The following STXBP5L variants were observed in gnomAD, a reference collection of about 807,000 sequenced individuals.
STXBP5L encodes the protein syntaxin binding protein 5L, also known as syntaxin-binding protein 5-like.
A neutral mutation model predicts 144.5 loss-of-function variants in STXBP5L; 65 were observed. The observed-to-expected ratio is 0.45, with a 90% CI of 0.37 to 0.55. The LOEUF is 0.55. STXBP5L is among the 20% of genes least tolerant of loss of function. The probability of loss-of-function intolerance (pLI) is 0.00; values close to 1 mark genes in which losing one functional copy is unlikely to be tolerated. For synonymous variants in STXBP5L, 505 were observed against 469.6 expected (o/e 1.08, Z -0.97); for missense variants, 1,298 against 1,405.5 (o/e 0.92, Z 1.22).
intron 5 of STXBP5L, among the ~76,000 whole-genome samples, chr3:121,077,710 G>T (rs879535822): frequency 6.6e-6 from 1 of 152,102 alleles, no homozygotes; most frequent in Admixed American, 6.5e-5. Context: ...TGATTGGTGC[G>T]TTTACAATCC....
intron 14 of STXBP5L, among the ~76,000 whole-genome samples, chr3:121,250,366 T>C (rs339001): frequency 0.052 from 7,880 of 152,138 alleles, 234 homozygotes; most frequent in Middle Eastern, 0.1. Flanking sequence ...ATTCAATTCA[T>C]ATTTATATTA....
intron 9 of STXBP5L, among the ~76,000 whole-genome samples, chr3:121,181,115 AAAAC>A (rs1443352279): frequency 1.7e-4 from 25 of 150,336 alleles, no homozygotes; most frequent in Middle Eastern, 3.4e-3. Context: ...AGAAAAGAAG[AAAAC>A]AAAAGAAGAG....
At position 121,079,534 on chromosome 3, in the gene STXBP5L, T is replaced by C. The variant is rs150393495; in HGVS notation, c.470+33999T>C. 3.5e-4 allele frequency among the ~76,000 whole-genome samples: 53 copies of C among 152,352 alleles called. No individual in the cohort carries two copies. The East Asian group carries it at 9.8e-3, about 28-fold the overall frequency. On this transcript the variant is annotated intron_variant, in intron 5 of 26. Coordinates refer to ENST00000471454, the MANE Select transcript of STXBP5L (RefSeq NM_001308330.2). Reference sequence around the variant, plus strand: ...CTTTAAGAGGATTTTAAAATTTCTATTACTGCTACTATTAAGTTATAGTTG... The same window carrying C: ...CTTTAAGAGGATTTTAAAATTTCTACTACTGCTACTATTAAGTTATAGTTG...
chr3:121,063,331 A>G (rs1185854045), intron 5 of STXBP5L, among the ~76,000 whole-genome samples: 2 of 152,234 alleles, frequency 1.3e-5, no homozygotes. Context: ...TGGATGCTGC[A>G]GAACAGCAAA....
chr3:121,078,300 G>C (rs2042106977), intron 5 of STXBP5L, among the ~76,000 whole-genome samples: 1 of 151,268 alleles, frequency 6.6e-6, no homozygotes, highest in Non-Finnish European at 1.5e-5. Flanking sequence ...GCTAGATACA[G>C]AGTGTCGATT....
intron 9 of STXBP5L, among the ~76,000 whole-genome samples, chr3:121,161,353 A>G (rs116704293): frequency 0.014 from 2,187 of 151,846 alleles, 25 homozygotes; most frequent in Non-Finnish European, 0.021. Flanking sequence ...AACACTTTAC[A>G]TGATCTTCTG....
chr3:121,163,470 C>G (rs1225844653), intron 9 of STXBP5L, among the ~76,000 whole-genome samples: 1 of 151,906 alleles, frequency 6.6e-6, no homozygotes, highest in Non-Finnish European at 1.5e-5. Flanking sequence ...ATACCTAATG[C>G]ATGCCGGGCT....
At chr3:120,967,354 A>G (rs1442639114) in intron 3 of STXBP5L, among the ~76,000 whole-genome samples, 1 of 152,150 alleles carries the variant, frequency 6.6e-6, no homozygotes, top group Admixed American at 6.6e-5. Flanking sequence ...TCAGTTGGAA[A>G]TGCAGAAATC....
intron 21 of STXBP5L, among the ~76,000 whole-genome samples, chr3:121,379,437 A>G (rs938731239): frequency 1.4e-4 from 21 of 152,086 alleles, no homozygotes; most frequent in Admixed American, 1.2e-3. Flanking sequence ...TACAGAGGCA[A>G]AAAAAGGGAA....
intron 18 of STXBP5L, among the ~76,000 whole-genome samples, chr3:121,268,861 G>C (rs1364189641): frequency 6.6e-6 from 1 of 152,018 alleles, no homozygotes. Flanking sequence ...TTTCCAAAAG[G>C]CTTTAGCTGT....
chr3:121,417,052 A>G (rs73191770), intron 25 of STXBP5L, among the ~76,000 whole-genome samples: 3,803 of 152,326 alleles, frequency 0.025, 57 homozygotes, highest in Middle Eastern at 0.048. Context: ...GCTAAGTGAA[A>G]GAAGCCAGAC....
At chr3:120,949,310 T>A (rs1711051459) in intron 2 of STXBP5L, among the ~76,000 whole-genome samples, 1 of 152,128 alleles carries the variant, frequency 6.6e-6, no homozygotes, top group South Asian at 2.1e-4. Context: ...AGATTCTGGA[T>A]ATTAGTTGTT....
chr3:121,063,628 TGA>T (rs1291571040), intron 5 of STXBP5L, among the ~76,000 whole-genome samples: 7 of 152,102 alleles, frequency 4.6e-5, no homozygotes, highest in Admixed American at 4.6e-4. Context: ...CCCAGGGAGA[TGA>T]GAGTTTTATG....
At chr3:121,073,239 G>C (rs1205428214) in intron 5 of STXBP5L, among the ~76,000 whole-genome samples, 1 of 152,218 alleles carries the variant, frequency 6.6e-6, no homozygotes, top group Admixed American at 6.5e-5. Flanking sequence ...CACCCATTCT[G>C]TTGGCAGCAG....
At chr3:121,337,775 G>C (rs1253203988) in intron 20 of STXBP5L, among the ~76,000 whole-genome samples, 2 of 152,036 alleles carry the variant, frequency 1.3e-5, no homozygotes, top group South Asian at 2.1e-4. Context: ...CTCAGCACAT[G>C]GAACATTCTC....
chr3:121,206,008 AT>A lies in STXBP5L; in HGVS notation c.956+12del. The A allele has an allele frequency of 1.3e-6, 2 of 1,482,300 alleles. No individual in the cohort carries two copies. The highest frequency in any genetic ancestry group is 1.8e-6 in the Non-Finnish European group (2 of 1,114,808). 91.8% of individuals were successfully genotyped at this position (1,482,300 alleles called of 1,614,324 possible). Reference sequence around the variant, plus strand: ...ACAAGACCTGCAAAAACAGGTATGCATTTTTACTTTAGGGAAAGAGGGATAC... The same window carrying A: ...ACAAGACCTGCAAAAACAGGTATGCATTTTACTTTAGGGAAAGAGGGATAC... On this transcript the variant is annotated splice_region_variant and intron_variant, in intron 10 of 26. Transcript: ENST00000471454.
intron 5 of STXBP5L, among the ~76,000 whole-genome samples, chr3:121,108,915 T>G (rs2043843530): frequency 6.6e-6 from 1 of 152,130 alleles, no homozygotes; most frequent in South Asian, 2.1e-4. Context: ...TATTCAGGGG[T>G]TTAACTTCTT....
At chr3:121,168,448 G>T (rs1246846218) in intron 9 of STXBP5L, among the ~76,000 whole-genome samples, 1 of 152,118 alleles carries the variant, frequency 6.6e-6, no homozygotes, top group Admixed American at 6.5e-5. Flanking sequence ...CTTGAGAAAA[G>T]GTTAGAAGAA....
At chr3:121,125,991 C>T (rs1167516710) in intron 7 of STXBP5L, among the ~76,000 whole-genome samples, 1 of 152,104 alleles carries the variant, frequency 6.6e-6, no homozygotes, top group Non-Finnish European at 1.5e-5. Context: ...TCTTGCAAGA[C>T]CATGCTACAC....
Sources: gnomAD v4.1 joint callset for allele counts (sites outside exome capture counted in the v4.1 genomes callset) on GRCh38, gnomAD v4.1.1 for gene constraint, MANE v1.5 for transcripts, NCBI Gene and HGNC (gene_info 2026-07-23, HGNC 2026-07-21) for gene names.